GGCT: variants seen among roughly 807,000 people sequenced by gnomAD.
GGCT encodes cytochrome c-releasing factor 21.
In GGCT, 20 loss-of-function variants were observed where a neutral mutation model predicts 22.1. The ratio of observed to expected loss-of-function variants is 0.91; its 90% CI spans 0.64 to 1.32. The LOEUF (loss-of-function observed/expected upper bound fraction) is 1.32, where lower values mean the gene tolerates loss of function less well. Among genes scored for constraint, GGCT ranks in the 40% most tolerant of loss-of-function variants. The pLI is 0.00. For missense variants in GGCT, 209 were observed against 223.5 expected (o/e 0.94, Z 0.41); for synonymous variants, 72 against 78.4 (o/e 0.92, Z 0.43).
rs547478713 is a variant in GGCT at position 30,499,698 on chromosome 7, G to A, written c.288-760C>T. Among the ~76,000 whole-genome samples, 35 of 151,702 alleles carry A rather than the reference G, an allele frequency of 2.3e-4. No individual in the cohort carries two copies. In the East Asian group the frequency reaches 6.6e-3, roughly 29 times the overall value. On this transcript the variant is annotated intron_variant, in intron 2 of 3. Transcript: ENST00000275428. ...TTGCACTCTAGCCTGGGCAACAAGA[G>A]CGAGACTCCGTTACAAAAAAAAAAA...
At chr7:30,497,627 A>G in intron 3 of GGCT, 3 of 518,918 alleles carry the variant, frequency 5.8e-6, no homozygotes, top group Non-Finnish European at 9.2e-6. Flanking sequence ...TCTGAATTGG[A>G]CATGGGGGAA....
Position 30,500,592 on chromosome 7 carries a change from A to G in GGCT, c.231T>C (p.Asp77=), listed in dbSNP as rs372139095. The G allele has an allele frequency of 1.2e-5, 20 of 1,613,800 alleles. No individual in the cohort carries two copies. The highest frequency in any genetic ancestry group is 4.0e-5 in the African/African-American group (3 of 75,050). The change falls in exon 2 of 4, where the codon GAT becomes GAC. Residue 77 remains aspartate, a synonymous_variant. Coordinates refer to ENST00000275428, the MANE Select transcript of GGCT (RefSeq NM_024051.4). ...GIATIFQSPG[D]EVWGVVWKMN... is the part of the protein sequence containing the mutation. ...TTTTCCATACTACTCCCCACACTTC[A>G]TCGCCAGGACTCTGAAAAATGGTGG... is the stretch of plus-strand genomic sequence containing the variant.
rs757316854 is a variant in GGCT, at chr7:30,498,883, G to A, written c.343C>T (p.Gln115Ter). ...CGACAGGTTATTTCTTTTCCTTCTT[G>A]AGTTGCAACTTTAACTTCTATTACA... ...YVVIEVKVAT[Q>*]EGKEITCRSY... Residue 115 changes from glutamine (Q) to a stop codon, truncating the protein, a stop_gained, in exon 3 of 4, where the codon CAA becomes TAA. Coordinates refer to ENST00000275428, the MANE Select transcript of GGCT (RefSeq NM_024051.4). LOFTEE classifies it high-confidence loss of function. 6.2e-7 allele frequency: 1 copy of A among 1,612,484 alleles called. No homozygotes were observed. Among genetic ancestry groups the A allele is most frequent in the Non-Finnish European group, 8.5e-7 (1 of 1,178,634 alleles).
At chr7:30,500,497 A>T in intron 2 of GGCT, 39 bp downstream of exon 2, 1 of 1,540,688 alleles carries the variant, frequency 6.5e-7, no homozygotes. Flanking sequence ...CTGCTTTCTG[A>T]ATTAATTACT....
At chr7:30,501,647 A>G (rs1789706288) in intron 1 of GGCT, among the ~76,000 whole-genome samples, 2 of 152,204 alleles carry the variant, frequency 1.3e-5, no homozygotes, top group Admixed American at 6.5e-5. Context: ...AACAAAAACA[A>G]AACAAATAAA....
At chr7:30,499,441 C>T (rs1789643120) in intron 2 of GGCT, among the ~76,000 whole-genome samples, 1 of 151,418 alleles carries the variant, frequency 6.6e-6, no homozygotes, top group African/African-American at 2.4e-5. Context: ...CAGTGGCTCA[C>T]ACCTGTAATC....
Position 30,498,818 on chromosome 7 carries a change from G to A in GGCT, c.408C>T (p.Ser136=), listed in dbSNP as rs762942989. 6.2e-7 allele frequency: 1 copy of A among 1,613,054 alleles called. No individual in the cohort carries two copies. Among genetic ancestry groups the A allele is most frequent in the Admixed American group, 1.7e-5 (1 of 60,008 alleles). Reference sequence around the variant, plus strand: ...AATAGCTTACCTTTTTATACTGTGGGGATGGGGGAGCACTTTCGTAATTTG... The same window carrying A: ...AATAGCTTACCTTTTTATACTGTGGAGATGGGGGAGCACTTTCGTAATTTG... ...LMTNYESAPP[S]PQYKKIICMG... Residue 136 remains serine, a synonymous_variant, in exon 3 of 4, where the codon TCC becomes TCT. Transcript: ENST00000275428.
At position 30,504,720 on chromosome 7, in the gene GGCT, G is replaced by A. The variant is rs1445190877; in HGVS notation, c.-11C>T. Reference sequence around the variant, plus strand: ...GCCCGAGTTGGCCATATCCCACTACGCCCCTGCACTGGAGCCTGAAGCAGA... The same window carrying A: ...GCCCGAGTTGGCCATATCCCACTACACCCCTGCACTGGAGCCTGAAGCAGA... On this transcript the variant is annotated 5_prime_UTR_variant, in exon 1 of 4. Coordinates refer to ENST00000275428, the MANE Select transcript of GGCT (RefSeq NM_024051.4). 6.2e-7 allele frequency: 1 copy of A among 1,613,480 alleles called. No homozygotes were observed. The highest frequency in any genetic ancestry group is 1.6e-4 in the Middle Eastern group (1 of 6,062).
At position 30,504,590 on chromosome 7, in the gene GGCT, G is replaced by C. The variant is rs777404230; in HGVS notation, c.120C>G (p.Phe40Leu). ...RIHLRNPSAA[F>L]FCVARLQDFK... ...TCACCTGCAGGCGGGCCACACAGAA[G>C]AACGCCGCCGAGGGGTTTCGGAGGT... The change falls in exon 1 of 4, where the codon TTC (phenylalanine) becomes TTG (leucine). Residue 40 changes from phenylalanine to leucine, a missense_variant. Phe to Leu is a conservative substitution (Grantham distance 22). Coordinates refer to ENST00000275428, the MANE Select transcript of GGCT (RefSeq NM_024051.4). 2 of 1,613,864 alleles carry C rather than the reference G, an allele frequency of 1.2e-6. No homozygotes were observed. The highest frequency in any genetic ancestry group is 1.7e-6 in the Non-Finnish European group (2 of 1,179,872).
chr7:30,503,440 C>T (rs1004713589), intron 1 of GGCT, among the ~76,000 whole-genome samples: 1 of 152,118 alleles, frequency 6.6e-6, no homozygotes, highest in African/African-American at 2.4e-5. Context: ...GGCATGGGTA[C>T]GTGGCCAAAA....
intron 1 of GGCT, among the ~76,000 whole-genome samples, chr7:30,503,842 A>G (rs1331621429): frequency 6.9e-6 from 1 of 144,904 alleles, no homozygotes; most frequent in Non-Finnish European, 1.5e-5. Flanking sequence ...CTTGCAACTA[A>G]GAACTCACGA....
Position 30,497,103 on chromosome 7 carries a change from G to A in GGCT, c.556C>T (p.Gln186Ter). The A allele has an allele frequency of 1.9e-6, 3 of 1,593,086 alleles. No individual in the cohort carries two copies. The highest frequency in any genetic ancestry group is 2.6e-6 in the Non-Finnish European group (3 of 1,163,604). ...IEDIIKKGETQTL is the reference protein window; with the variant it reads ...IEDIIKKGET ...TATTCTGTTATGTTCTAAAGAGTTT[G>A]TGTTTCCCCCTTTTTGATGATGTCT... The change falls in exon 4 of 4, where the codon CAA becomes TAA. Residue 186 changes from glutamine (Q) to a stop codon, truncating the protein, a stop_gained. Transcript: ENST00000275428. LOFTEE classifies it high-confidence loss of function.
chr7:30,501,764 T>A (rs1039761268), intron 1 of GGCT, among the ~76,000 whole-genome samples: 5 of 152,292 alleles, frequency 3.3e-5, no homozygotes, highest in African/African-American at 1.2e-4. Context: ...AAACGATAAT[T>A]CTAGGATCCT....
chr7:30,504,686 G>A lies in GGCT; in HGVS notation c.24C>T (p.Asp8=), dbSNP rs145170034. ...AACTCTCCTCATCTGGACCCGTGAC[G>A]TCCTTGCAGCCCGAGTTGGCCATAT... MANSGCK[D]VTGPDEESFL... The change falls in exon 1 of 4, where the codon GAC becomes GAT. Residue 8 remains aspartate, a synonymous_variant. Coordinates refer to ENST00000275428, the MANE Select transcript of GGCT (RefSeq NM_024051.4). 20 of 1,613,912 alleles carry A rather than the reference G, an allele frequency of 1.2e-5. No individual in the cohort carries two copies. The African/African-American group carries it at 2.7e-4, about 22-fold the overall frequency.
intron 3 of GGCT, chr7:30,497,995 C>T (rs1464769010): frequency 4.3e-6 from 1 of 233,754 alleles, no homozygotes; most frequent in African/African-American, 2.5e-5. Context: ...GGGAGAAAAA[C>T]ATTACAAAAG....
chr7:30,497,856 T>C, intron 3 of GGCT: 1 of 1,446,836 alleles, frequency 6.9e-7, no homozygotes, highest in Non-Finnish European at 9.2e-7. Flanking sequence ...CAAGGGTGAT[T>C]TCCCTGATTC....
At chr7:30,503,957 C>CT (rs1001574860) in intron 1 of GGCT, among the ~76,000 whole-genome samples, 6 of 152,086 alleles carry the variant, frequency 3.9e-5, no homozygotes, top group Non-Finnish European at 8.8e-5. Flanking sequence ...GAAACAGCCA[C>CT]TTTACTCAAT....
intron 3 of GGCT, chr7:30,497,557 A>C: frequency 2.6e-6 from 1 of 386,076 alleles, no homozygotes; most frequent in East Asian, 3.8e-5. Context: ...ACCATTCTTC[A>C]AAAAAAATTT....
At chr7:30,502,234 C>CT (rs887239904) in intron 1 of GGCT, among the ~76,000 whole-genome samples, 25 of 151,826 alleles carry the variant, frequency 1.6e-4, no homozygotes, top group Non-Finnish European at 3.2e-4. Context: ...ATGCATGGGC[C>CT]TTTTTTTTGT....
Sources: gnomAD v4.1 joint callset for allele counts (sites outside exome capture counted in the v4.1 genomes callset) on GRCh38, gnomAD v4.1.1 for gene constraint, MANE v1.5 for transcripts, NCBI Gene and HGNC (gene_info 2026-07-23, HGNC 2026-07-21) for gene names.